SLC27A1: variants seen among roughly 807,000 people sequenced by gnomAD.
SLC27A1 encodes the protein long-chain fatty acid transport protein 1.
A neutral mutation model predicts 62.2 loss-of-function variants in SLC27A1; 61 were observed. The ratio of observed to expected loss-of-function variants is 0.98; its 90% CI spans 0.80 to 1.21. SLC27A1 has a LOEUF of 1.21. SLC27A1 is among the 50% of genes most tolerant of loss of function. SLC27A1 has a pLI of 0.00. For synonymous variants in SLC27A1, 435 were observed against 408.6 expected, an observed-to-expected ratio of 1.06 and a Z score of -0.78; for missense variants, 903 against 932.1, an observed-to-expected ratio of 0.97 and a Z score of 0.41.
chr19:17,487,338 G>A lies in SLC27A1; in HGVS notation c.724+3G>A. On this transcript the variant is annotated splice_donor_region_variant and intron_variant, in intron 3 of 11. Transcript: ENST00000252595. ...GATCCCCAGCAAGGGCATGGACGGT[G>A]AGTCAAGGGTGGGACCCCTGCTCTA... The A allele has an allele frequency of 6.2e-7, 1 of 1,606,494 alleles. No individual in the cohort carries two copies. Among genetic ancestry groups the A allele is most frequent in the Non-Finnish European group, 8.5e-7 (1 of 1,177,108 alleles).
chr19:17,486,845 G>A lies in SLC27A1; in HGVS notation c.450G>A (p.Lys150=), dbSNP rs933373393. ...EFVGLWLGLA[K]AGMEAALLNV... ...TGGGGCTGTGGCTGGGCCTGGCCAA[G>A]GCGGGCATGGAGGCCGCGCTGCTCA... The change falls in exon 2 of 12, where the codon AAG becomes AAA. Residue 150 remains lysine (K), a synonymous_variant. Transcript: ENST00000252595. This position sits in a 1 kb window ranked among gnomAD's most constrained non-coding sequence, Gnocchi z 6.6. 3 of 1,588,322 alleles carry A rather than the reference G, an allele frequency of 1.9e-6. No individual in the cohort carries two copies. The African/African-American group carries it at 4.0e-5, about 21-fold the overall frequency.
intron 1 of SLC27A1, among the ~76,000 whole-genome samples, chr19:17,477,629 T>G (rs1189849079): frequency 1.3e-5 from 2 of 151,708 alleles, no homozygotes; most frequent in Non-Finnish European, 2.9e-5. Flanking sequence ...CTTGGCTCAC[T>G]GCAACCTCCA....
chr19:17,494,597 G>C (rs1271787842), intron 6 of SLC27A1, among the ~76,000 whole-genome samples: 2 of 152,040 alleles, frequency 1.3e-5, no homozygotes, highest in Non-Finnish European at 2.9e-5. Context: ...AAAGTGCTGA[G>C]ATTACAGGCG....
At chr19:17,492,667 G>A (rs2075306207) in intron 6 of SLC27A1, among the ~76,000 whole-genome samples, 1 of 150,836 alleles carries the variant, frequency 6.6e-6, no homozygotes, top group Admixed American at 6.6e-5. Context: ...GCCGGGCGCA[G>A]TGTCTTACGC....
rs748924034 is a variant in SLC27A1 at position 17,497,596 on chromosome 19, C to T, written c.1206+132C>T. The T allele has an allele frequency of 1.9e-5, 16 of 827,158 alleles. 1 individual carries two copies. Among genetic ancestry groups the T allele is most frequent in the Non-Finnish European group, 3.0e-5 (15 of 507,060 alleles). The allele number at this position is 827,158 out of a possible 1,614,324, so 51.2% of individuals were successfully genotyped here. The stretch of plus-strand genomic sequence containing the variant: ...AGGCTCCGCCAAGGCGCACGCAGGG[C>T]GGGGTGTAAGGGGAGTTCCTGGGAC... On this transcript the variant is annotated intron_variant, in intron 7 of 11. Coordinates refer to ENST00000252595, the MANE Select transcript of SLC27A1 (RefSeq NM_198580.3).
At chr19:17,481,223 C>T (rs1229258820) in intron 1 of SLC27A1, among the ~76,000 whole-genome samples, 3 of 151,480 alleles carry the variant, frequency 2.0e-5, no homozygotes, top group Non-Finnish European at 2.9e-5. Flanking sequence ...CTGGGCCCGG[C>T]GGTGTTTGGA....
intron 1 of SLC27A1, among the ~76,000 whole-genome samples, chr19:17,472,309 G>T (rs1481169129): frequency 5.9e-5 from 9 of 151,582 alleles, no homozygotes; most frequent in Non-Finnish European, 2.9e-5. Flanking sequence ...GCAGGAGAAT[G>T]GTGTGAACCC....
chr19:17,491,232 A>C (rs1037229046), intron 6 of SLC27A1: 1 of 151,424 alleles, frequency 6.6e-6, no homozygotes, highest in African/African-American at 2.4e-5. Flanking sequence ...ATTTGGTGGC[A>C]TTCACAATGT....
chr19:17,491,796 C>A (rs928592746), intron 6 of SLC27A1, among the ~76,000 whole-genome samples: 5 of 151,930 alleles, frequency 3.3e-5, no homozygotes, highest in Non-Finnish European at 4.4e-5. Context: ...ATTGCTTGAG[C>A]CCAGGAGGTC....
chr19:17,474,831 T>C (rs528288855), intron 1 of SLC27A1, among the ~76,000 whole-genome samples: 1 of 151,920 alleles, frequency 6.6e-6, no homozygotes, highest in Admixed American at 6.6e-5. Context: ...GGTTTCTCCA[T>C]GTTGGCCAGG....
At chr19:17,481,442 G>A (rs1445458367) in intron 1 of SLC27A1, among the ~76,000 whole-genome samples, 1 of 150,458 alleles carries the variant, frequency 6.6e-6, no homozygotes, top group Non-Finnish European at 1.5e-5. Context: ...TCAGCCTCCT[G>A]AGTAGCTGGG....
chr19:17,477,894 C>A (rs937248334), intron 1 of SLC27A1, among the ~76,000 whole-genome samples: 1 of 151,762 alleles, frequency 6.6e-6, no homozygotes, highest in South Asian at 2.1e-4. Flanking sequence ...ATTATTTTAA[C>A]ATAGAGATGA....
intron 6 of SLC27A1, among the ~76,000 whole-genome samples, chr19:17,493,510 A>G (rs1039407040): frequency 5.3e-5 from 8 of 151,728 alleles, no homozygotes; most frequent in Non-Finnish European, 8.8e-5. Flanking sequence ...AAGAGCATAC[A>G]TTTATTTGGG....
At chr19:17,497,169 G>T in intron 6 of SLC27A1, 86 bp from the exon 7 acceptor site, 2 of 1,062,098 alleles carry the variant, frequency 1.9e-6, no homozygotes, top group Non-Finnish European at 2.7e-6. Context: ...AGCTCCCTGG[G>T]TGGGGCGGTC....
Position 17,488,934 on chromosome 19 carries a change from CGGCA to C in SLC27A1, c.884_886+1del, listed in dbSNP as rs1568417202. On this transcript the variant is annotated frameshift_variant and splice_region_variant, in exon 5 of 12. Transcript: ENST00000252595. LOFTEE classifies it high-confidence loss of function. ...TATGACTGCCTGCCCCTGTACCACT[CGGCA>C]GGTACTACGGCCTGGGTAGGGAATG... is the stretch of plus-strand genomic sequence containing the variant. 1 of 1,614,130 alleles carries C rather than the reference CGGCA, an allele frequency of 6.2e-7. No individual in the cohort carries two copies. Among genetic ancestry groups the C allele is most frequent in the East Asian group, 2.2e-5 (1 of 44,888 alleles).
At chr19:17,497,636 C>G in intron 7 of SLC27A1, 172 bp downstream of exon 7, 1 of 668,484 alleles carries the variant, frequency 1.5e-6, no homozygotes, top group Non-Finnish European at 2.7e-6. Context: ...GGTGCACCAC[C>G]AGAGGGACAA....
chr19:17,485,924 GGGGGCTCTGCAGTTCCCT>G (rs2075225000), intron 1 of SLC27A1, among the ~76,000 whole-genome samples: 1 of 152,120 alleles, frequency 6.6e-6, no homozygotes, highest in African/African-American at 2.4e-5. Flanking sequence ...TCCTTTCACT[GGGGGCTCTGCAGTTCCCT>G]GGGGCCTCTG....
At chr19:17,495,240 G>T (rs1211381417) in intron 6 of SLC27A1, among the ~76,000 whole-genome samples, 1 of 150,922 alleles carries the variant, frequency 6.6e-6, no homozygotes, top group African/African-American at 2.4e-5. Flanking sequence ...CCCCCAAAGT[G>T]CTGGGATTAC....
chr19:17,476,352 G>A (rs2075122080), intron 1 of SLC27A1, among the ~76,000 whole-genome samples: 1 of 151,944 alleles, frequency 6.6e-6, no homozygotes, highest in African/African-American at 2.4e-5. Context: ...CCTGGCCAAC[G>A]TGGCGAAACC....
Sources: allele counts gnomAD v4.1 joint callset (sites outside exome capture counted in the v4.1 genomes callset), GRCh38; gene constraint gnomAD v4.1.1; non-coding constraint Gnocchi (gnomAD v3.1); transcripts MANE v1.5; gene names NCBI Gene and HGNC (gene_info 2026-07-23, HGNC 2026-07-21).